COL4A5: variants seen among roughly 807,000 people sequenced by gnomAD.
COL4A5 encodes the protein collagen type IV alpha 5 chain.
COL4A5 carries 26 observed loss-of-function variants against 130.2 expected under a neutral mutation model. The observed-to-expected ratio is 0.20, with a 90% CI of 0.15 to 0.28. COL4A5 has a LOEUF of 0.28. COL4A5 is among the 10% of genes least tolerant of loss of function. The pLI, the probability that COL4A5 is intolerant of heterozygous loss-of-function variation, is 1.00. For missense variants in COL4A5, 1,131 were observed against 1,344.3 expected (o/e 0.84, Z 2.48); for synonymous variants, 496 against 439.6 (o/e 1.13, Z -1.60).
chrX:108,588,716 C>T (rs954246677), intron 19 of COL4A5, among the ~76,000 whole-genome samples: 2 of 111,270 alleles, frequency 1.8e-5, no homozygotes, highest in African/African-American at 6.5e-5. Flanking sequence ...TAACTAGACA[C>T]ATTGTAGGGA....
At chrX:108,686,341 G>A (rs1405385792) in intron 48 of COL4A5, among the ~76,000 whole-genome samples, 1 of 111,959 alleles carries the variant, frequency 8.9e-6, no homozygotes, top group African/African-American at 3.2e-5. Context: ...TTTGTGTTTA[G>A]AGCAGTGGAA....
At chrX:108,523,451 C>A (rs559022397) in intron 1 of COL4A5, among the ~76,000 whole-genome samples, 1 of 112,218 alleles carries the variant, frequency 8.9e-6, no homozygotes, top group Non-Finnish European at 1.9e-5. Context: ...TTGATCTACA[C>A]GTCTGTCCTT....
chrX:108,590,994 C>A, intron 19 of COL4A5, 64 bp from the exon 20 acceptor site: 1 of 994,075 alleles, frequency 1.0e-6, no homozygotes, highest in Non-Finnish European at 1.4e-6. Context: ...TATCTAATGT[C>A]TCAATGAGAA....
intron 34 of COL4A5, among the ~76,000 whole-genome samples, chrX:108,625,391 T>G (rs1006043557): frequency 1.8e-5 from 2 of 112,495 alleles, no homozygotes; most frequent in Non-Finnish European, 3.8e-5. Flanking sequence ...GAAAATACAT[T>G]AAGGGTAGTT....
rs190997291 is a variant in COL4A5, at chrX:108,635,204, C to T, written c.3246+8855C>T. Among the ~76,000 whole-genome samples, 10 of 109,973 alleles carry T rather than the reference C, an allele frequency of 9.1e-5. No homozygotes were observed. The East Asian group carries it at 2.6e-3, about 28-fold the overall frequency. Reference sequence around the variant, plus strand: ...CTTAATTCTTCAGTGTCTTCAGTACCTTGTCCATAAAAAGTGGGAGAAAAA... The same window carrying T: ...CTTAATTCTTCAGTGTCTTCAGTACTTTGTCCATAAAAAGTGGGAGAAAAA... On this transcript the variant is annotated intron_variant, in intron 36 of 52. Transcript: ENST00000328300.
intron 1 of COL4A5, among the ~76,000 whole-genome samples, chrX:108,468,467 T>C (rs935046121): frequency 4.5e-5 from 5 of 110,865 alleles, no homozygotes. Flanking sequence ...TTTTCACCTT[T>C]GAGCATTCAG....
intron 18 of COL4A5, among the ~76,000 whole-genome samples, chrX:108,584,787 C>A (rs765761900): frequency 6.8e-5 from 7 of 103,290 alleles, no homozygotes; most frequent in Non-Finnish European, 1.4e-4. Context: ...TCATGATTGC[C>A]AGATCATTTC....
intron 26 of COL4A5, 21 bp from the exon 27 acceptor site, chrX:108,601,864 A>G (rs376609656): frequency 4.2e-5 from 40 of 958,310 alleles, no homozygotes; most frequent in Non-Finnish European, 5.8e-5. Flanking sequence ...TTTCCTTTCA[A>G]TAACTGCTGT....
intron 1 of COL4A5, among the ~76,000 whole-genome samples, chrX:108,532,744 C>T (rs1419159790): frequency 3.6e-5 from 4 of 111,004 alleles, no homozygotes; most frequent in Admixed American, 1.9e-4. Context: ...TTCTACACAC[C>T]GATAATGATC....
chrX:108,522,045 G>A (rs2065270020), intron 1 of COL4A5, among the ~76,000 whole-genome samples: 1 of 110,888 alleles, frequency 9.0e-6, no homozygotes, highest in African/African-American at 3.3e-5. Context: ...TTTCATAGAA[G>A]TAAAATCATG....
At chrX:108,673,714 T>C (rs964231231) in intron 42 of COL4A5, among the ~76,000 whole-genome samples, 4 of 107,516 alleles carry the variant, frequency 3.7e-5, no homozygotes, top group African/African-American at 1.3e-4. Flanking sequence ...AAGTAACTTA[T>C]TGCAAGTACT....
At chrX:108,552,671 C>A (rs1216261652) in intron 2 of COL4A5, among the ~76,000 whole-genome samples, 3 of 111,713 alleles carry the variant, frequency 2.7e-5, no homozygotes, top group African/African-American at 9.8e-5. Context: ...ATATCATATT[C>A]ATGAATTGGA....
intron 32 of COL4A5, among the ~76,000 whole-genome samples, chrX:108,622,366 C>T (rs1386235449): frequency 1.8e-5 from 2 of 111,648 alleles, no homozygotes; most frequent in Non-Finnish European, 3.8e-5. Flanking sequence ...CTCCTGACCT[C>T]GTGATCTGCC....
intron 2 of COL4A5, among the ~76,000 whole-genome samples, chrX:108,556,080 G>A (rs993896553): frequency 9.0e-6 from 1 of 111,589 alleles, no homozygotes; most frequent in Non-Finnish European, 1.9e-5. Context: ...TCTGGCTGGG[G>A]TAGTTGGGTT....
chrX:108,547,904 G>A (rs746980210), intron 2 of COL4A5, among the ~76,000 whole-genome samples: 6 of 111,952 alleles, frequency 5.4e-5, no homozygotes, highest in South Asian at 3.8e-4. Context: ...AGGACCCTCC[G>A]AGCCAGGCAC....
intron 1 of COL4A5, among the ~76,000 whole-genome samples, chrX:108,475,361 A>G (rs985583210): frequency 9.0e-6 from 1 of 111,346 alleles, no homozygotes; most frequent in East Asian, 2.8e-4. Context: ...ATGCACAATT[A>G]TGGTGTCTTT....
At chrX:108,569,731 G>A (rs1477847393) in intron 6 of COL4A5, among the ~76,000 whole-genome samples, 1 of 111,001 alleles carries the variant, frequency 9.0e-6, no homozygotes, top group Non-Finnish European at 1.9e-5. Flanking sequence ...CCATGCTGGA[G>A]TGCAATGTCA....
intron 1 of COL4A5, among the ~76,000 whole-genome samples, chrX:108,453,052 T>C (rs2064542708): frequency 9.0e-6 from 1 of 111,630 alleles, no homozygotes; most frequent in African/African-American, 3.3e-5. Flanking sequence ...TTGAATTTTG[T>C]CAAAGGCCTT....
intron 1 of COL4A5, among the ~76,000 whole-genome samples, chrX:108,523,284 G>T (rs975898538): frequency 8.9e-6 from 1 of 111,894 alleles, no homozygotes; most frequent in African/African-American, 3.3e-5. Context: ...GTGTAGAAGA[G>T]GTCCAAGTTT....
Sources: gnomAD v4.1 joint callset for allele counts (sites outside exome capture counted in the v4.1 genomes callset) on GRCh38, gnomAD v4.1.1 for gene constraint, MANE v1.5 for transcripts, NCBI Gene and HGNC (gene_info 2026-07-23, HGNC 2026-07-21) for gene names.